Variants in GALNT13 observed in about 807,000 individuals in gnomAD.
GALNT13 encodes the protein UDP-GalNAc:polypeptide N-acetylgalactosaminyltransferase 13.
A neutral mutation model predicts 64.2 loss-of-function variants in GALNT13; 28 were observed. That is an observed-to-expected ratio of 0.44 (90% CI 0.32 to 0.60). GALNT13 has a LOEUF of 0.60. Among genes scored for constraint, GALNT13 ranks in the 20% least tolerant of loss-of-function variants. GALNT13 has a pLI of 0.05. For missense variants in GALNT13, 577 were observed against 669.8 expected, an observed-to-expected ratio of 0.86 and a Z score of 1.53; for synonymous variants, 214 against 224.6, an observed-to-expected ratio of 0.95 and a Z score of 0.42.
intron 4 of GALNT13, among the ~76,000 whole-genome samples, chr2:154,232,424 C>A (rs1006808440): frequency 6.6e-6 from 1 of 152,110 alleles, no homozygotes; most frequent in African/African-American, 2.4e-5. Flanking sequence ...ATGGACGTTA[C>A]TGCTTTAGAC....
the GALNT13 span, among the ~76,000 whole-genome samples, chr2:153,832,362 T>G: frequency 6.6e-6 from 1 of 152,186 alleles, no homozygotes; most frequent in African/African-American, 2.4e-5. Flanking sequence ...TATTTTAGTA[T>G]GAGAGTCTCG....
chr2:153,836,117 T>C, the GALNT13 span, among the ~76,000 whole-genome samples: 4 of 152,088 alleles, frequency 2.6e-5, no homozygotes, highest in East Asian at 3.8e-4. Context: ...CTGGAAAAGA[T>C]GCAATCTCAG....
At chr2:153,796,521 C>A in the GALNT13 span, among the ~76,000 whole-genome samples, 1 of 152,074 alleles carries the variant, frequency 6.6e-6, no homozygotes, top group Non-Finnish European at 1.5e-5. Context: ...GGTAAATCAT[C>A]TTTTATAAAA....
At chr2:154,152,299 C>T (rs374459883) in intron 4 of GALNT13, among the ~76,000 whole-genome samples, 49 of 152,142 alleles carry the variant, frequency 3.2e-4, no homozygotes, top group Non-Finnish European at 1.9e-4. Context: ...CCGAGAGATC[C>T]GCTGTTAGTC....
the GALNT13 span, among the ~76,000 whole-genome samples, chr2:153,783,054 A>G: frequency 3.3e-5 from 5 of 152,166 alleles, no homozygotes; most frequent in African/African-American, 1.2e-4. Flanking sequence ...AAAATTGAGG[A>G]TGGTTTGGGC....
chr2:153,870,143 G>A (rs139702113), upstream of GALNT13, among the ~76,000 whole-genome samples: 22 of 152,006 alleles, frequency 1.4e-4, no homozygotes, highest in African/African-American at 3.4e-4. Context: ...AGAAATTACA[G>A]ATGTTTATTG....
intron 4 of GALNT13, among the ~76,000 whole-genome samples, chr2:154,156,336 G>C (rs1684420019): frequency 6.6e-6 from 1 of 152,014 alleles, no homozygotes; most frequent in African/African-American, 2.4e-5. Flanking sequence ...AAATTTAAAA[G>C]CAAGTGTAGC....
At chr2:153,787,908 C>A in the GALNT13 span, among the ~76,000 whole-genome samples, 3 of 152,108 alleles carry the variant, frequency 2.0e-5, no homozygotes, top group East Asian at 1.9e-4. Flanking sequence ...CAGAAGGGAA[C>A]AAGCAAAACA....
chr2:153,990,120 T>G (rs1349437289), intron 3 of GALNT13, among the ~76,000 whole-genome samples: 1 of 152,106 alleles, frequency 6.6e-6, no homozygotes, highest in Non-Finnish European at 1.5e-5. Context: ...TTAATCTTTC[T>G]GTAGACTGGT....
At chr2:153,917,478 T>C (rs990699067) in intron 2 of GALNT13, among the ~76,000 whole-genome samples, 37 of 152,136 alleles carry the variant, frequency 2.4e-4, no homozygotes, top group African/African-American at 8.4e-4. Context: ...GAAAAAGGTA[T>C]GCATTATTTT....
chr2:153,376,937 C>T, the GALNT13 span, among the ~76,000 whole-genome samples: 2 of 152,080 alleles, frequency 1.3e-5, no homozygotes. Context: ...TTTGTATCTA[C>T]AAAAAGCAAG....
chr2:153,771,501 T>A, the GALNT13 span, among the ~76,000 whole-genome samples: 12 of 151,988 alleles, frequency 7.9e-5, no homozygotes. Flanking sequence ...AAGTTTACCT[T>A]TGCACCAAGA....
the GALNT13 span, among the ~76,000 whole-genome samples, chr2:153,095,054 A>G: frequency 6.6e-6 from 1 of 152,148 alleles, no homozygotes; most frequent in African/African-American, 2.4e-5. Context: ...TAATTAAACT[A>G]AAGAGCTTCT....
intron 8 of GALNT13, among the ~76,000 whole-genome samples, chr2:154,274,928 G>A (rs1222520447): frequency 2.6e-5 from 4 of 152,066 alleles, no homozygotes; most frequent in African/African-American, 7.2e-5. Context: ...ATAGTGATAC[G>A]GACAACAAAG....
chr2:154,194,622 G>C (rs1292872957), intron 4 of GALNT13, among the ~76,000 whole-genome samples: 1 of 152,108 alleles, frequency 6.6e-6, no homozygotes, highest in African/African-American at 2.4e-5. Context: ...TTGCACTACA[G>C]TCAGGGTAAA....
At chr2:153,525,731 G>GTCC in the GALNT13 span, among the ~76,000 whole-genome samples, 1 of 152,050 alleles carries the variant, frequency 6.6e-6, no homozygotes, top group Non-Finnish European at 1.5e-5. Context: ...CTGGAGTAGA[G>GTCC]CACCAAGTGG....
At chr2:153,726,607 A>T in the GALNT13 span, among the ~76,000 whole-genome samples, 2 of 152,206 alleles carry the variant, frequency 1.3e-5, no homozygotes, top group East Asian at 3.9e-4. Context: ...ATGTACGAAT[A>T]AACCACGTCA....
At chr2:154,192,404 C>A (rs575412593) in intron 4 of GALNT13, among the ~76,000 whole-genome samples, 2 of 152,232 alleles carry the variant, frequency 1.3e-5, no homozygotes, top group South Asian at 4.1e-4. Context: ...TACCCAGGGA[C>A]CCGCCCTTCT....
At chr2:153,307,047 C>T in the GALNT13 span, among the ~76,000 whole-genome samples, 1 of 152,130 alleles carries the variant, frequency 6.6e-6, no homozygotes, top group African/African-American at 2.4e-5. Context: ...ATGCTTTTTT[C>T]GCTTAGAAAG....
Sources: gnomAD v4.1 joint callset for allele counts (sites outside exome capture counted in the v4.1 genomes callset) on GRCh38, gnomAD v4.1.1 for gene constraint, MANE v1.5 for transcripts, NCBI Gene and HGNC (gene_info 2026-07-23, HGNC 2026-07-21) for gene names.